USP17L4: variants seen among roughly 807,000 people sequenced by gnomAD.
USP17L4 encodes the protein inactive ubiquitin carboxyl-terminal hydrolase 17-like protein 4.
A neutral mutation model predicts 20.2 loss-of-function variants in USP17L4; 16 were observed. That is an observed-to-expected ratio of 0.79 (90% CI 0.54 to 1.20). The LOEUF (loss-of-function observed/expected upper bound fraction) is 1.20. USP17L4 is among the 50% of genes most tolerant of loss of function. The probability of loss-of-function intolerance (pLI) is 0.00; values close to 1 mark genes in which losing one functional copy is unlikely to be tolerated. For synonymous variants in USP17L4, 92 were observed against 122.5 expected (o/e 0.75, Z 1.65); for missense variants, 211 against 316.9 (o/e 0.67, Z 2.54).
chr8:7,337,281 C>A lies in USP17L4; in HGVS notation c.167C>A (p.Ala56Asp), dbSNP rs1415862062. 1 of 480,528 alleles carries A rather than the reference C, an allele frequency of 2.1e-6. No individual in the cohort carries two copies. The highest frequency in any genetic ancestry group is 2.1e-5 in the South Asian group (1 of 47,374). The allele number at this position is 480,528 out of a possible 1,614,324, so 29.8% of individuals were successfully genotyped here. A position where few individuals can be genotyped will look rare whatever the true frequency, so the allele number is the denominator to read the frequency against. Residue 56 changes from alanine to aspartate, a missense_variant, in exon 1 of 1, where the codon GCT becomes GAT. Coordinates refer to ENST00000526929, the MANE Select transcript of USP17L4 (RefSeq NM_001256874.1). ...ETRVDLCDDL[A>D]PVARQLAPRE... ...CGTGTCGACCTCTGTGATGATTTGGCTCCTGTGGCAAGACAGCTCGCTCCC... is the reference window on the plus strand; with the variant it reads ...CGTGTCGACCTCTGTGATGATTTGGATCCTGTGGCAAGACAGCTCGCTCCC...
In USP17L4 at chr8:7,338,112, G is replaced by C; in HGVS notation, c.998G>C (p.Gly333Ala). 6.4e-7 allele frequency: 1 copy of C among 1,570,454 alleles called. No homozygotes were observed. The highest frequency in any genetic ancestry group is 8.5e-7 in the Non-Finnish European group (1 of 1,170,960). ...CACGCTGGGTGGAGTTGTCACGACG[G>C]ATATTACTTCTCTTATGTCAAAGCT... Reference protein sequence around the residue: ...LVHAGWSCHDGYYFSYVKAQE... With the variant: ...LVHAGWSCHDAYYFSYVKAQE... The change falls in exon 1 of 1, where the codon GGA becomes GCA. Residue 333 changes from glycine (G) to alanine (A), a missense_variant. Coordinates refer to ENST00000526929, the MANE Select transcript of USP17L4 (RefSeq NM_001256874.1).
At position 7,338,386 on chromosome 8, in the gene USP17L4, G is replaced by C; in HGVS notation, c.1272G>C (p.Leu424Phe). ...AGGTACCCGAGTTGGACGAGCACTT[G>C]GTGGAAAGAGCCACTGAGGAAAGCA... ...CLQVPELDEH[L>F]VERATEESTL... Residue 424 changes from leucine (L) to phenylalanine (F), a missense_variant, in exon 1 of 1, where the codon TTG (leucine) becomes TTC (phenylalanine). This residue lies in a region of USP17L4 where 140 missense variants were observed against 167.6 expected (regional missense o/e 0.84). Transcript: ENST00000526929. 2.6e-6 allele frequency: 2 copies of C among 767,066 alleles called. No homozygotes were observed. The highest frequency in any genetic ancestry group is 1.5e-5 in the South Asian group (1 of 66,502). 47.5% of individuals were successfully genotyped at this position (767,066 alleles called of 1,614,324 possible). A position where few individuals can be genotyped will look rare whatever the true frequency, so the allele number is the denominator to read the frequency against.
chr8:7,338,159 A>G lies in USP17L4; in HGVS notation c.1045A>G (p.Met349Val). 1.3e-6 allele frequency: 2 copies of G among 1,549,544 alleles called. No homozygotes were observed. Among genetic ancestry groups the G allele is most frequent in the Admixed American group, 1.7e-5 (1 of 58,816 alleles). ...VKAQEGQWYK[M>V]DDAEVTVCSI... ...AGCTCAAGAAGGCCAGTGGTATAAA[A>G]TGGATGATGCCGAGGTCACTGTCTG... is the stretch of plus-strand genomic sequence containing the variant. Residue 349 changes from methionine (M) to valine (V), a missense_variant, in exon 1 of 1, where the codon ATG (methionine) becomes GTG (valine). Around this residue, in one of 5 missense-constraint regions of USP17L4, gnomAD observed 140 missense variants for 167.6 expected, o/e 0.84. Transcript: ENST00000526929.
Position 7,338,329 on chromosome 8 carries a change from A to C in USP17L4, c.1215A>C (p.Gln405His). ...GAEDTDRPAT[Q>H]GELKRDHPCL... ...AAGACACAGACAGGCCAGCAACGCA[A>C]GGAGAGCTCAAGAGAGACCACCCTT... The change falls in exon 1 of 1, where the codon CAA becomes CAC. Residue 405 changes from glutamine (Q) to histidine (H), a missense_variant. This residue lies in a region of USP17L4 where 140 missense variants were observed against 167.6 expected (regional missense o/e 0.84). Transcript: ENST00000526929. The C allele has an allele frequency of 3.3e-6, 4 of 1,199,810 alleles. No individual in the cohort carries two copies. Among genetic ancestry groups the C allele is most frequent in the Non-Finnish European group, 2.3e-6 (2 of 862,306 alleles). The allele number at this position is 1,199,810 out of a possible 1,614,324, so 74.3% of individuals were successfully genotyped here. A position where few individuals can be genotyped will look rare whatever the true frequency, so the allele number is the denominator to read the frequency against.
At position 7,338,323 on chromosome 8, in the gene USP17L4, A is replaced by G; in HGVS notation, c.1209A>G (p.Ala403=). Residue 403 remains alanine (A), a synonymous_variant, in exon 1 of 1, where the codon GCA becomes GCG. Transcript: ENST00000526929. Reference sequence around the variant, plus strand: ...GCGCTGAAGACACAGACAGGCCAGCAACGCAAGGAGAGCTCAAGAGAGACC... The same window carrying G: ...GCGCTGAAGACACAGACAGGCCAGCGACGCAAGGAGAGCTCAAGAGAGACC... ...ALGAEDTDRP[A]TQGELKRDHP... 8.1e-7 allele frequency: 1 copy of G among 1,229,344 alleles called. No individual in the cohort carries two copies. Among genetic ancestry groups the G allele is most frequent in the Non-Finnish European group, 1.1e-6 (1 of 886,978 alleles). The allele number at this position is 1,229,344 out of a possible 1,614,324, so 76.2% of individuals were successfully genotyped here. A position where few individuals can be genotyped will look rare whatever the true frequency, so the allele number is the denominator to read the frequency against.
rs1804593034 is a variant in USP17L4 at position 7,337,138 on chromosome 8, G to C, written c.24G>C (p.Leu8Phe). 2 of 600,396 alleles carry C rather than the reference G, an allele frequency of 3.3e-6. No homozygotes were observed. Among genetic ancestry groups the C allele is most frequent in the Non-Finnish European group, 5.6e-6 (2 of 357,638 alleles). 37.2% of individuals were successfully genotyped at this position (600,396 alleles called of 1,614,324 possible). The change falls in exon 1 of 1, where the codon TTG (leucine) becomes TTC (phenylalanine). Residue 8 changes from leucine to phenylalanine, a missense_variant. Leu to Phe is a conservative substitution (Grantham distance 22). This residue lies in a region of USP17L4 where 56 missense variants were observed against 46.3 expected (regional missense o/e 1.21). Transcript: ENST00000526929. Reference sequence around the variant, plus strand: ...ACATGGGGGACGACTCACTCTACTTGGGAGGTGAGTGGCAGTTCAACCACT... The same window carrying C: ...ACATGGGGGACGACTCACTCTACTTCGGAGGTGAGTGGCAGTTCAACCACT... MGDDSLY[L>F]GGEWQFNHFS...
rs1405760667 is a variant in USP17L4 at position 7,338,188 on chromosome 8, C to T, written c.1074C>T (p.Ser358=). 7.3e-6 allele frequency: 11 copies of T among 1,504,210 alleles called. 1 individual carries two copies. The highest frequency in any genetic ancestry group is 4.6e-5 in the African/African-American group (2 of 43,018). 93.2% of individuals were successfully genotyped at this position (1,504,210 alleles called of 1,614,324 possible). ...ATGATGCCGAGGTCACTGTCTGTAG[C>T]ATCACTTCTGTCCTGAGTCAACAGG... The part of the protein sequence containing the change: ...KMDDAEVTVC[S]ITSVLSQQAY... Residue 358 remains serine, a synonymous_variant, in exon 1 of 1, where the codon AGC becomes AGT. Coordinates refer to ENST00000526929, the MANE Select transcript of USP17L4 (RefSeq NM_001256874.1).
In USP17L4 at chr8:7,337,306, C is replaced by T. The variant is rs1323433251; in HGVS notation, c.192C>T (p.Pro64=). ...DLAPVARQLA[P]REKLPLSSRR... Reference sequence around the variant, plus strand: ...CTCCTGTGGCAAGACAGCTCGCTCCCAGGGAGAAGCTTCCTCTGAGTAGCA... The same window carrying T: ...CTCCTGTGGCAAGACAGCTCGCTCCTAGGGAGAAGCTTCCTCTGAGTAGCA... Residue 64 remains proline, a synonymous_variant, in exon 1 of 1, where the codon CCC becomes CCT. Transcript: ENST00000526929. 4.9e-5 allele frequency: 23 copies of T among 468,942 alleles called. No homozygotes were observed. In the East Asian group the frequency reaches 7.2e-4, roughly 15 times the overall value. 29.0% of individuals were successfully genotyped at this position (468,942 alleles called of 1,614,324 possible). A position where few individuals can be genotyped will look rare whatever the true frequency, so the allele number is the denominator to read the frequency against.
Position 7,338,380 on chromosome 8 carries a change from G to A in USP17L4, c.1266G>A (p.Glu422=). The A allele has an allele frequency of 3.7e-6, 3 of 803,404 alleles. No homozygotes were observed. The highest frequency in any genetic ancestry group is 2.7e-5 in the East Asian group (1 of 36,542). The allele number at this position is 803,404 out of a possible 1,614,324, so 49.8% of individuals were successfully genotyped here. ...GCCTCCAGGTACCCGAGTTGGACGA[G>A]CACTTGGTGGAAAGAGCCACTGAGG... The part of the protein sequence containing the change: ...HPCLQVPELD[E]HLVERATEES... Residue 422 remains glutamate, a synonymous_variant, in exon 1 of 1, where the codon GAG becomes GAA. Coordinates refer to ENST00000526929, the MANE Select transcript of USP17L4 (RefSeq NM_001256874.1).
rs1268661762 is a variant in USP17L4, at chr8:7,338,257, C to G, written c.1143C>G (p.His381Gln). Residue 381 changes from histidine (H) to glutamine (Q), a missense_variant, in exon 1 of 1, where the codon CAC becomes CAG. By Grantham distance (24) the His-to-Gln change is conservative (BLOSUM62 0). Coordinates refer to ENST00000526929, the MANE Select transcript of USP17L4 (RefSeq NM_001256874.1). ...FYIQKSEWER[H>Q]SESVSRGREP... ...TCCAGAAGAGTGAATGGGAAAGACACAGTGAGAGTGTGTCAAGAGGCAGGG... is the reference window on the plus strand; with the variant it reads ...TCCAGAAGAGTGAATGGGAAAGACAGAGTGAGAGTGTGTCAAGAGGCAGGG... 5.8e-6 allele frequency: 7 copies of G among 1,200,088 alleles called. 1 individual carries two copies. Among genetic ancestry groups the G allele is most frequent in the Non-Finnish European group, 5.9e-6 (5 of 850,434 alleles). The allele number at this position is 1,200,088 out of a possible 1,614,324, so 74.3% of individuals were successfully genotyped here.
At position 7,337,995 on chromosome 8, in the gene USP17L4, A is replaced by G; in HGVS notation, c.881A>G (p.Asn294Ser). Residue 294 changes from asparagine (N) to serine (S), a missense_variant, in exon 1 of 1, where the codon AAT becomes AGT. Coordinates refer to ENST00000526929, the MANE Select transcript of USP17L4 (RefSeq NM_001256874.1). The stretch of plus-strand genomic sequence containing the variant: ...GTCGCAGGCAACAAACTTGCCAAGA[A>G]TGTGCAATATCCTGAGTGCCTTGAC... ...SDVAGNKLAK[N>S]VQYPECLDMQ... 1.1e-6 allele frequency: 1 copy of G among 870,042 alleles called. No homozygotes were observed. The highest frequency in any genetic ancestry group is 1.8e-6 in the Non-Finnish European group (1 of 551,484). 53.9% of individuals were successfully genotyped at this position (870,042 alleles called of 1,614,324 possible).
In USP17L4 at chr8:7,338,124, C is replaced by T. The variant is rs745551738; in HGVS notation, c.1010C>T (p.Ser337Phe). Residue 337 changes from serine (S) to phenylalanine (F), a missense_variant, in exon 1 of 1, where the codon TCT (serine) becomes TTT (phenylalanine). Ser to Phe is a radical substitution (Grantham distance 155). Around this residue, in one of 5 missense-constraint regions of USP17L4, gnomAD observed 140 missense variants for 167.6 expected, o/e 0.84. Coordinates refer to ENST00000526929, the MANE Select transcript of USP17L4 (RefSeq NM_001256874.1). Reference sequence around the variant, plus strand: ...AGTTGTCACGACGGATATTACTTCTCTTATGTCAAAGCTCAAGAAGGCCAG... The same window carrying T: ...AGTTGTCACGACGGATATTACTTCTTTTATGTCAAAGCTCAAGAAGGCCAG... ...GWSCHDGYYF[S>F]YVKAQEGQWY... The T allele has an allele frequency of 1.9e-6, 3 of 1,569,616 alleles. No homozygotes were observed. Among genetic ancestry groups the T allele is most frequent in the African/African-American group, 2.1e-5 (1 of 46,958 alleles).
rs1804645982 is a variant in USP17L4 at position 7,337,954 on chromosome 8, G to GAAGAGATTCTCCGATGTCGCAGGC, written c.843_866dup (p.Lys281_Gly288dup). On this transcript the variant is annotated inframe_insertion, in exon 1 of 1. Coordinates refer to ENST00000526929, the MANE Select transcript of USP17L4 (RefSeq NM_001256874.1). ...CTGCCAAGGTCCTCATCCTTGTCTT[G>GAAGAGATTCTCCGATGTCGCAGGC]AAGAGATTCTCCGATGTCGCAGGCA... 1 of 796,368 alleles carries GAAGAGATTCTCCGATGTCGCAGGC rather than the reference G, an allele frequency of 1.3e-6. No individual in the cohort carries two copies. Among genetic ancestry groups the GAAGAGATTCTCCGATGTCGCAGGC allele is most frequent in the Non-Finnish European group, 2.0e-6 (1 of 501,564 alleles). 49.3% of individuals were successfully genotyped at this position (796,368 alleles called of 1,614,324 possible).
chr8:7,337,210 C>T lies in USP17L4; in HGVS notation c.96C>T (p.Ile32=). Residue 32 remains isoleucine, a synonymous_variant, in exon 1 of 1, where the codon ATC becomes ATT. Coordinates refer to ENST00000526929, the MANE Select transcript of USP17L4 (RefSeq NM_001256874.1). ...SSRPDAAFAE[I]QRTSLPEKSP... ...GGCCAGATGCAGCTTTTGCTGAAAT[C>T]CAGCGGACTTCTCTCCCTGAGAAGT... The T allele has an allele frequency of 3.8e-6, 2 of 529,970 alleles. No homozygotes were observed. The highest frequency in any genetic ancestry group is 6.3e-6 in the Non-Finnish European group (2 of 315,058). The allele number at this position is 529,970 out of a possible 1,614,324, so 32.8% of individuals were successfully genotyped here. A position where few individuals can be genotyped will look rare whatever the true frequency, so the allele number is the denominator to read the frequency against.
At chr8:7,338,438 G>T in the USP17L4 span, 1 of 608,502 alleles carries the variant, frequency 1.6e-6, no homozygotes, top group Non-Finnish European at 2.7e-6. Flanking sequence ...ATTCCCCCAA[G>T]AGCAAAACAA....
Position 7,337,318 on chromosome 8 carries a change from T to C in USP17L4, c.204T>C (p.Leu68=). ...GACAGCTCGCTCCCAGGGAGAAGCTTCCTCTGAGTAGCAGGAGACCTGCTG... is the reference window on the plus strand; with the variant it reads ...GACAGCTCGCTCCCAGGGAGAAGCTCCCTCTGAGTAGCAGGAGACCTGCTG... ...VARQLAPREK[L]PLSSRRPAAV... Residue 68 remains leucine, a synonymous_variant, in exon 1 of 1, where the codon CTT becomes CTC. Coordinates refer to ENST00000526929, the MANE Select transcript of USP17L4 (RefSeq NM_001256874.1). 1 of 465,564 alleles carries C rather than the reference T, an allele frequency of 2.1e-6. No individual in the cohort carries two copies. Among genetic ancestry groups the C allele is most frequent in the Non-Finnish European group, 3.6e-6 (1 of 280,158 alleles). The allele number at this position is 465,564 out of a possible 1,614,324, so 28.8% of individuals were successfully genotyped here.
chr8:7,338,081 C>A lies in USP17L4; in HGVS notation c.967C>A (p.Leu323Met), dbSNP rs762315917. 1.3e-6 allele frequency: 2 copies of A among 1,556,032 alleles called. No individual in the cohort carries two copies. The highest frequency in any genetic ancestry group is 4.5e-5 in the East Asian group (2 of 44,256). ...TCTTGTCTATGTCCTCTATGCTGTG[C>A]TGGTCCACGCTGGGTGGAGTTGTCA... is the stretch of plus-strand genomic sequence containing the variant. ...GPLVYVLYAV[L>M]VHAGWSCHDG... The change falls in exon 1 of 1, where the codon CTG becomes ATG. Residue 323 changes from leucine to methionine, a missense_variant. Transcript: ENST00000526929.
chr8:7,338,281 G>A lies in USP17L4; in HGVS notation c.1167G>A (p.Arg389=). ...ERHSESVSRG[R]EPRALGAEDT... ...ACAGTGAGAGTGTGTCAAGAGGCAGGGAACCAAGAGCCCTTGGCGCTGAAG... is the reference window on the plus strand; with the variant it reads ...ACAGTGAGAGTGTGTCAAGAGGCAGAGAACCAAGAGCCCTTGGCGCTGAAG... Residue 389 remains arginine (R), a synonymous_variant, in exon 1 of 1, where the codon AGG becomes AGA. Coordinates refer to ENST00000526929, the MANE Select transcript of USP17L4 (RefSeq NM_001256874.1). The A allele has an allele frequency of 4.7e-6, 6 of 1,268,952 alleles. 1 individual carries two copies. The highest frequency in any genetic ancestry group is 6.6e-6 in the Non-Finnish European group (6 of 915,732). The allele number at this position is 1,268,952 out of a possible 1,614,324, so 78.6% of individuals were successfully genotyped here. A position where few individuals can be genotyped will look rare whatever the true frequency, so the allele number is the denominator to read the frequency against.
Position 7,337,462 on chromosome 8 carries a change from A to G in USP17L4, c.348A>G (p.Thr116=). 1 of 433,566 alleles carries G rather than the reference A, an allele frequency of 2.3e-6. No homozygotes were observed. Among genetic ancestry groups the G allele is most frequent in the Non-Finnish European group, 3.8e-6 (1 of 263,574 alleles). The allele number at this position is 433,566 out of a possible 1,614,324, so 26.9% of individuals were successfully genotyped here. A position where few individuals can be genotyped will look rare whatever the true frequency, so the allele number is the denominator to read the frequency against. Residue 116 remains threonine, a synonymous_variant, in exon 1 of 1, where the codon ACA becomes ACG. Coordinates refer to ENST00000526929, the MANE Select transcript of USP17L4 (RefSeq NM_001256874.1). ...NYMLSREHSQ[T]CQRPKCCMLC... ...TGCTGTCCCGGGAGCACTCTCAAAC[A>G]TGTCAGCGTCCCAAGTGCTGCATGC...
Sources: gnomAD v4.1 joint callset for allele counts on GRCh38, gnomAD v4.1.1 for gene constraint, gnomAD v4.1.1 regional missense constraint, MANE v1.5 for transcripts, NCBI Gene and HGNC (gene_info 2026-07-23, HGNC 2026-07-21) for gene names.